LARGE1: variants seen among roughly 807,000 people sequenced by gnomAD.
LARGE1 encodes the protein xylosyl- and glucuronyltransferase LARGE1.
In LARGE1, 43 loss-of-function variants were observed where a neutral mutation model predicts 87.6. The ratio of observed to expected loss-of-function variants is 0.49; its 90% CI spans 0.38 to 0.63. The LOEUF is 0.63. Among genes scored for constraint, LARGE1 ranks in the 30% least tolerant of loss-of-function variants. The probability of loss-of-function intolerance (pLI) is 0.00; values close to 1 mark genes in which losing one functional copy is unlikely to be tolerated. For missense variants in LARGE1, 802 were observed against 1,000.2 expected (o/e 0.80, Z 2.67); for synonymous variants, 434 against 394.6 (o/e 1.10, Z -1.18).
At chr22:33,749,596 G>GT (rs1259653325) in intron 2 of LARGE1, among the ~76,000 whole-genome samples, 4 of 152,156 alleles carry the variant, frequency 2.6e-5, no homozygotes, top group Non-Finnish European at 4.4e-5. Flanking sequence ...ATTTTCAAAA[G>GT]TTTTATCTGT....
At chr22:33,771,811 T>C (rs2085075954) in intron 1 of LARGE1, among the ~76,000 whole-genome samples, 1 of 152,196 alleles carries the variant, frequency 6.6e-6, no homozygotes, top group Non-Finnish European at 1.5e-5. Flanking sequence ...GGCAACATCA[T>C]TTACTCCATT....
chr22:33,328,649 C>G (rs545759361), intron 10 of LARGE1, among the ~76,000 whole-genome samples: 11 of 151,740 alleles, frequency 7.2e-5, no homozygotes, highest in Admixed American at 6.6e-4. Flanking sequence ...ATAACAGGAA[C>G]TACCTTGAAG....
intron 1 of LARGE1, among the ~76,000 whole-genome samples, chr22:33,790,351 C>A (rs149036524): frequency 1.3e-5 from 2 of 152,132 alleles, no homozygotes; most frequent in African/African-American, 2.4e-5. Flanking sequence ...TTATTAGCAG[C>A]GTGAGAACAT....
chr22:33,825,602 C>G (rs760443689), intron 1 of LARGE1, among the ~76,000 whole-genome samples: 2 of 152,152 alleles, frequency 1.3e-5, no homozygotes, highest in Non-Finnish European at 2.9e-5. Flanking sequence ...AACTCACTCA[C>G]TGTCACCACT....
intron 9 of LARGE1, among the ~76,000 whole-genome samples, chr22:33,349,101 A>T (rs1476838462): frequency 2.0e-5 from 3 of 152,156 alleles, no homozygotes; most frequent in African/African-American, 7.2e-5. Flanking sequence ...TAAATCACCC[A>T]GTCTCAGATA....
At chr22:33,130,414 C>T in the LARGE1 span, among the ~76,000 whole-genome samples, 1 of 150,602 alleles carries the variant, frequency 6.6e-6, no homozygotes, top group East Asian at 2.0e-4. Context: ...CACTTCAATC[C>T]AGGAGGAGGA....
At chr22:33,519,075 T>C (rs942411089) in intron 6 of LARGE1, among the ~76,000 whole-genome samples, 2 of 152,162 alleles carry the variant, frequency 1.3e-5, no homozygotes, top group Non-Finnish European at 1.5e-5. Context: ...CACAGGCAGC[T>C]TGATTCCACA....
chr22:33,474,883 G>A (rs1038138205), intron 6 of LARGE1, among the ~76,000 whole-genome samples: 7 of 152,176 alleles, frequency 4.6e-5, no homozygotes, highest in Non-Finnish European at 8.8e-5. Context: ...CTGCTCATCT[G>A]TAATCTTGAG....
At chr22:33,819,921 A>T (rs1172836881) in intron 1 of LARGE1, among the ~76,000 whole-genome samples, 2 of 152,202 alleles carry the variant, frequency 1.3e-5, no homozygotes, top group Non-Finnish European at 2.9e-5. Context: ...CCAGTAGGAC[A>T]TGTGCAGCGT....
At chr22:33,465,722 C>A (rs1263312450) in intron 6 of LARGE1, among the ~76,000 whole-genome samples, 3 of 152,184 alleles carry the variant, frequency 2.0e-5, no homozygotes, top group Non-Finnish European at 2.9e-5. Context: ...AGCCCTGGCA[C>A]AGACAAAGTG....
chr22:33,711,223 C>T (rs1250369283), intron 2 of LARGE1, among the ~76,000 whole-genome samples: 1 of 152,166 alleles, frequency 6.6e-6, no homozygotes, highest in African/African-American at 2.4e-5. Context: ...AAGGGGTGGC[C>T]ACCAGGCTCC....
In LARGE1 at chr22:33,854,212, GAAAA is replaced by G. The variant is rs67771177; in HGVS notation, c.-83+65779_-83+65782del. On this transcript the variant is annotated intron_variant, in intron 1 of 14. Coordinates refer to ENST00000397394, the MANE Select transcript of LARGE1 (RefSeq NM_133642.5). ...ATGTAATTATAAATGCACTTAAGGG[GAAAA>G]AAAAAAAAAAAAAAAAAAAAAAGAA... Among the ~76,000 whole-genome samples, 10 of 72,714 alleles carry G rather than the reference GAAAA, an allele frequency of 1.4e-4. No homozygotes were observed. The South Asian group carries it at 4.9e-3, about 36-fold the overall frequency. 47.7% of individuals were successfully genotyped at this position (72,714 alleles called of 152,430 possible).
intron 11 of LARGE1, among the ~76,000 whole-genome samples, chr22:33,266,669 GTA>G (rs1345942354): frequency 6.6e-6 from 1 of 151,688 alleles, no homozygotes; most frequent in East Asian, 1.9e-4. Context: ...TCCAGCAGGA[GTA>G]TGAAAAGGCT....
intron 12 of LARGE1, among the ~76,000 whole-genome samples, chr22:33,300,776 G>A (rs569505663): frequency 1.1e-4 from 16 of 152,196 alleles, no homozygotes; most frequent in Non-Finnish European, 1.6e-4. Flanking sequence ...TTCTGACCTC[G>A]TGATTCACCG....
At chr22:33,161,791 T>C (rs1922035279), downstream of LARGE1, among the ~76,000 whole-genome samples, 1 of 152,216 alleles carries the variant, frequency 6.6e-6, no homozygotes, top group African/African-American at 2.4e-5. Context: ...TGGCATTGAG[T>C]GTCTGTGACT....
chr22:33,867,630 C>T (rs2064145606), intron 1 of LARGE1, among the ~76,000 whole-genome samples: 1 of 152,204 alleles, frequency 6.6e-6, no homozygotes, highest in South Asian at 2.1e-4. Flanking sequence ...GTTTGCAGCT[C>T]CCTGACAGCT....
At chr22:33,295,076 C>A (rs1363970044) in intron 12 of LARGE1, among the ~76,000 whole-genome samples, 4 of 152,178 alleles carry the variant, frequency 2.6e-5, no homozygotes, top group Non-Finnish European at 5.9e-5. Flanking sequence ...CGAGACAGGG[C>A]ACTTATAAAC....
Position 33,757,795 on chromosome 22 carries a change from C to A in LARGE1, c.106+3576G>T, listed in dbSNP as rs143618248. 8.4e-3 allele frequency among the ~76,000 whole-genome samples: 1,282 copies of A among 152,246 alleles called. 24 individuals carry two copies. Among genetic ancestry groups the A allele is most frequent in the African/African-American group, 0.029 (1,215 of 41,530 alleles). ...AAGGGTGTCAATAAATGGATTGTAA[C>A]GTTGTTGTGATGTTTAATTACAAAG... is the stretch of plus-strand genomic sequence containing the variant. On this transcript the variant is annotated intron_variant, in intron 2 of 14. Transcript: ENST00000397394.
At chr22:33,740,322 T>C (rs571169727) in intron 2 of LARGE1, among the ~76,000 whole-genome samples, 31 of 152,356 alleles carry the variant, frequency 2.0e-4, no homozygotes, top group Admixed American at 1.6e-3. Context: ...ATAGCAAGTA[T>C]GCTAAATGGC....
Sources: gnomAD v4.1 joint callset for allele counts (sites outside exome capture counted in the v4.1 genomes callset) on GRCh38, gnomAD v4.1.1 for gene constraint, MANE v1.5 for transcripts, NCBI Gene and HGNC (gene_info 2026-07-23, HGNC 2026-07-21) for gene names.